Variants in KLHL3 observed in about 807,000 individuals in gnomAD.
KLHL3 encodes the protein kelch like family member 3.
A neutral mutation model predicts 70.5 loss-of-function variants in KLHL3; 19 were observed. That is an observed-to-expected ratio of 0.27 (90% CI 0.19 to 0.40). KLHL3 has a LOEUF of 0.40. KLHL3 is among the 10% of genes least tolerant of loss of function. The pLI is 1.00. For synonymous variants in KLHL3, 258 were observed against 290.3 expected, an observed-to-expected ratio of 0.89 and a Z score of 1.13; for missense variants, 512 against 771.1, an observed-to-expected ratio of 0.66 and a Z score of 3.98.
intron 2 of KLHL3, among the ~76,000 whole-genome samples, chr5:137,717,684 T>C (rs1033081307): frequency 1.3e-5 from 2 of 152,252 alleles, no homozygotes; most frequent in African/African-American, 2.4e-5. Flanking sequence ...GTTACCACTA[T>C]GTAATAAAAT....
chr5:137,631,490 C>T (rs1251954337), intron 12 of KLHL3, among the ~76,000 whole-genome samples: 3 of 152,224 alleles, frequency 2.0e-5, no homozygotes, highest in Non-Finnish European at 4.4e-5. Context: ...AATAGCTTGG[C>T]TTTCAATTCC....
chr5:137,653,612 AGCAGGACT>A (rs1225980929), intron 8 of KLHL3, among the ~76,000 whole-genome samples: 1 of 152,240 alleles, frequency 6.6e-6, no homozygotes, highest in African/African-American at 2.4e-5. Context: ...GTCAAGTAGT[AGCAGGACT>A]GCAGAATAAC....
chr5:137,665,276 AT>A (rs1253428826), intron 6 of KLHL3, among the ~76,000 whole-genome samples: 1 of 152,060 alleles, frequency 6.6e-6, no homozygotes, highest in Non-Finnish European at 1.5e-5. Context: ...AGAAATAGCC[AT>A]AAATGACTTT....
chr5:137,703,740 T>C (rs57143962), intron 3 of KLHL3, among the ~76,000 whole-genome samples: 3,427 of 152,144 alleles, frequency 0.023, 120 homozygotes, highest in African/African-American at 0.077. Context: ...ACCACAGTGA[T>C]AGACACCGCC....
At chr5:137,727,951 T>A (rs1253199619) in intron 1 of KLHL3, among the ~76,000 whole-genome samples, 1 of 152,174 alleles carries the variant, frequency 6.6e-6, no homozygotes, top group Non-Finnish European at 1.5e-5. Context: ...ACCAACATGA[T>A]GCCACCGAAC....
In KLHL3 at chr5:137,634,172, T is replaced by C; in HGVS notation, c.1322-7A>G. ...CCAACAGCATATAGCTTCCCTGCAATAGACAAAGTGGCTGAGTGTGGTGCC... is the reference window on the plus strand; with the variant it reads ...CCAACAGCATATAGCTTCCCTGCAACAGACAAAGTGGCTGAGTGTGGTGCC... On this transcript the variant is annotated splice_polypyrimidine_tract_variant and splice_region_variant and intron_variant, in intron 11 of 14. Coordinates refer to ENST00000309755, the MANE Select transcript of KLHL3 (RefSeq NM_017415.3). 1.9e-6 allele frequency: 3 copies of C among 1,600,324 alleles called. No homozygotes were observed. Among genetic ancestry groups the C allele is most frequent in the Non-Finnish European group, 8.5e-7 (1 of 1,171,958 alleles).
At chr5:137,637,263 G>A in intron 11 of KLHL3, 31 bp downstream of exon 11, 2 of 1,566,962 alleles carry the variant, frequency 1.3e-6, no homozygotes, top group Non-Finnish European at 1.8e-6. Context: ...GGCCAGGTAG[G>A]CCTGGCCACT....
chr5:137,628,340 G>A lies in KLHL3; in HGVS notation c.1548C>T (p.Thr516=), dbSNP rs1240900143. Residue 516 remains threonine (T), a synonymous_variant, in exon 13 of 15, where the codon ACC becomes ACT. Transcript: ENST00000309755. The part of the protein sequence containing the change: ...SVEVYDPGTN[T]WKQVADMNMC... ...TGTTCATGTCTGCCACTTGCTTCCA[G>A]GTATTTGTTCCAGGATCGTAAACCT... is the stretch of plus-strand genomic sequence containing the variant. 1.2e-6 allele frequency: 2 copies of A among 1,614,080 alleles called. No individual in the cohort carries two copies. Among genetic ancestry groups the A allele is most frequent in the East Asian group, 4.5e-5 (2 of 44,864 alleles).
At chr5:137,665,295 C>G (rs1283373953) in intron 6 of KLHL3, among the ~76,000 whole-genome samples, 4 of 152,046 alleles carry the variant, frequency 2.6e-5, no homozygotes, top group Non-Finnish European at 5.9e-5. Context: ...TTTTGGGGGA[C>G]TAGTAAGAAA....
chr5:137,638,981 G>C lies in KLHL3; in HGVS notation c.1191C>G (p.Tyr397Ter), dbSNP rs773325605. The stretch of plus-strand genomic sequence containing the variant: ...TACTGCCATCAAAGCCTCCCACTGC[G>C]TAGAGCAAGTCATTGAGCACCGCTG... Reference protein sequence around the residue: ...LGAAVLNDLLYAVGGFDGSTG... With the variant: ...LGAAVLNDLL The change falls in exon 10 of 15, where the codon TAC becomes TAG. Residue 397 changes from tyrosine to a stop codon, truncating the protein, a stop_gained. Coordinates refer to ENST00000309755, the MANE Select transcript of KLHL3 (RefSeq NM_017415.3). LOFTEE classifies it high-confidence loss of function. 1 of 1,614,044 alleles carries C rather than the reference G, an allele frequency of 6.2e-7. No homozygotes were observed. Among genetic ancestry groups the C allele is most frequent in the African/African-American group, 1.3e-5 (1 of 74,944 alleles).
rs776845721 is a variant in KLHL3 at position 137,634,071 on chromosome 5, G to A, written c.1416C>T (p.Tyr472=). 21 of 1,614,066 alleles carry A rather than the reference G, an allele frequency of 1.3e-5. 1 individual carries two copies. The South Asian group carries it at 1.3e-4, about 10-fold the overall frequency. ...TGCGGCGGGTGCTCATGTCCGCCAC[G>A]TATATCCATTCATTGGTCGCTGGGT... is the stretch of plus-strand genomic sequence containing the variant. ...QYNPATNEWI[Y]VADMSTRRSG... The change falls in exon 12 of 15, where the codon TAC becomes TAT. Residue 472 remains tyrosine (Y), a synonymous_variant. Transcript: ENST00000309755.
chr5:137,644,167 C>A (rs1750985329), intron 8 of KLHL3, among the ~76,000 whole-genome samples: 1 of 152,164 alleles, frequency 6.6e-6, no homozygotes. Flanking sequence ...CCCCCGGGTT[C>A]AAGCAATTCT....
At chr5:137,720,012 G>T (rs887530747) in intron 2 of KLHL3, among the ~76,000 whole-genome samples, 1 of 152,064 alleles carries the variant, frequency 6.6e-6, no homozygotes, top group African/African-American at 2.4e-5. Flanking sequence ...AGTTCGAAAG[G>T]GGAAACCTGC....
At chr5:137,662,099 TAA>T (rs768798609) in intron 6 of KLHL3, 68 bp from the exon 7 acceptor site, 3,299 of 415,514 alleles carry the variant, frequency 7.9e-3, no homozygotes, top group South Asian at 9.6e-3. Flanking sequence ...CCTCAATCTG[TAA>T]AAAAAAAAAA....
intron 6 of KLHL3, 21 bp downstream of exon 6, chr5:137,677,524 C>A (rs867382537): frequency 1.4e-6 from 2 of 1,433,972 alleles, no homozygotes; most frequent in Middle Eastern, 1.8e-4. Flanking sequence ...GTTCCCGTTT[C>A]CCCAGTGAGC....
At chr5:137,642,358 T>C (rs750221891) in intron 8 of KLHL3, among the ~76,000 whole-genome samples, 1 of 152,220 alleles carries the variant, frequency 6.6e-6, no homozygotes, top group Non-Finnish European at 1.5e-5. Flanking sequence ...CAGGTCTCAG[T>C]TTAAATGTTA....
At chr5:137,626,364 T>C (rs1750461632) in intron 13 of KLHL3, among the ~76,000 whole-genome samples, 1 of 152,180 alleles carries the variant, frequency 6.6e-6, no homozygotes, top group Non-Finnish European at 1.5e-5. Flanking sequence ...ATGCTGATGG[T>C]TATGTCTCTA....
intron 3 of KLHL3, among the ~76,000 whole-genome samples, chr5:137,708,068 G>A (rs138030132): frequency 3.9e-5 from 6 of 152,298 alleles, no homozygotes; most frequent in Non-Finnish European, 8.8e-5. Context: ...TTGCAGCTAG[G>A]GTTTAGGACA....
At chr5:137,638,906 G>A in intron 10 of KLHL3, 47 bp downstream of exon 10, 1 of 1,564,620 alleles carries the variant, frequency 6.4e-7, no homozygotes, top group Non-Finnish European at 8.8e-7. Context: ...GTTGCATGGA[G>A]GATGTGTCCC....
Sources: allele counts gnomAD v4.1 joint callset (sites outside exome capture counted in the v4.1 genomes callset), GRCh38; gene constraint gnomAD v4.1.1; transcripts MANE v1.5; gene names NCBI Gene and HGNC (gene_info 2026-07-23, HGNC 2026-07-21).